The following DAAM1 variants were observed in gnomAD, a reference collection of about 807,000 sequenced individuals.
DAAM1 encodes dishevelled associated activator of morphogenesis 1, also known as disheveled-associated activator of morphogenesis 1.
A neutral mutation model predicts 130.0 loss-of-function variants in DAAM1; 52 were observed. The observed-to-expected ratio is 0.40, with a 90% CI of 0.32 to 0.50. DAAM1 has a LOEUF of 0.50. Ranked by LOEUF, DAAM1 falls within the 20% of genes least tolerant of loss-of-function variation. The pLI, the probability that DAAM1 is intolerant of heterozygous loss-of-function variation, is 0.61. For missense variants in DAAM1, 1,134 were observed against 1,303.8 expected (o/e 0.87, Z 2.01); for synonymous variants, 452 against 444.5 (o/e 1.02, Z -0.21).
At chr14:59,358,236 G>A (rs1299317685) in intron 20 of DAAM1, among the ~76,000 whole-genome samples, 4 of 152,184 alleles carry the variant, frequency 2.6e-5, no homozygotes, top group Admixed American at 2.6e-4. Context: ...TGATTGTAAT[G>A]CGTAGCAGTC....
At chr14:59,346,802 T>A (rs1886098735) in intron 16 of DAAM1, among the ~76,000 whole-genome samples, 1 of 152,226 alleles carries the variant, frequency 6.6e-6, no homozygotes, top group African/African-American at 2.4e-5. Context: ...CACATATTCC[T>A]GATTAAATTA....
At chr14:59,291,512 G>T in intron 3 of DAAM1, 1 of 518,664 alleles carries the variant, frequency 1.9e-6, no homozygotes. Flanking sequence ...TTTTCCACCT[G>T]TAACCATCAT....
At chr14:59,259,691 A>G (rs1164071065) in intron 1 of DAAM1, among the ~76,000 whole-genome samples, 1 of 152,234 alleles carries the variant, frequency 6.6e-6, no homozygotes, top group Non-Finnish European at 1.5e-5. Flanking sequence ...TGAGATAAGT[A>G]ATGACTCCCA....
chr14:59,320,447 A>T (rs958506650), intron 4 of DAAM1, 43 bp from the exon 5 acceptor site: 1 of 1,516,014 alleles, frequency 6.6e-7, no homozygotes, highest in Non-Finnish European at 9.0e-7. Flanking sequence ...ACTGTAATTA[A>T]AAAATAGAAT....
chr14:59,275,388 A>G (rs892206416), intron 2 of DAAM1, among the ~76,000 whole-genome samples: 6 of 152,172 alleles, frequency 3.9e-5, no homozygotes, highest in African/African-American at 9.7e-5. Context: ...CGTGTAATAC[A>G]AGTTTACCTA....
intron 1 of DAAM1, among the ~76,000 whole-genome samples, chr14:59,190,356 G>A (rs552708532): frequency 1.3e-5 from 2 of 152,024 alleles, no homozygotes; most frequent in Admixed American, 6.6e-5. Flanking sequence ...TCCCCCTTTC[G>A]GGCTAGCCGC....
At chr14:59,282,699 C>T (rs777075318) in intron 2 of DAAM1, among the ~76,000 whole-genome samples, 28 of 152,154 alleles carry the variant, frequency 1.8e-4, no homozygotes, top group Admixed American at 3.3e-4. Flanking sequence ...GAGCAAGCTA[C>T]TTAATCCTCT....
intron 9 of DAAM1, 85 bp downstream of exon 9, chr14:59,325,815 C>T: frequency 6.4e-7 from 1 of 1,554,158 alleles, no homozygotes; most frequent in South Asian, 1.1e-5. Flanking sequence ...TCCACATGGA[C>T]TTTAGGGCAA....
chr14:59,291,115 T>C, intron 2 of DAAM1, 102 bp from the exon 3 acceptor site: 1 of 869,078 alleles, frequency 1.2e-6, no homozygotes, highest in Admixed American at 3.2e-5. Context: ...TTTAAATATG[T>C]GTTTGTGTTT....
chr14:59,362,374 T>C (rs1483772223), intron 22 of DAAM1: 1 of 152,170 alleles, frequency 6.6e-6, no homozygotes, highest in Non-Finnish European at 1.5e-5. Context: ...TGGCCAAATA[T>C]ATATGTGTTC....
At chr14:59,320,725 GT>G in intron 5 of DAAM1, 141 bp downstream of exon 5, 1 of 548,964 alleles carries the variant, frequency 1.8e-6, no homozygotes, top group Non-Finnish European at 2.9e-6. Context: ...ATTTAATAAA[GT>G]TATTTTCTTC....
intron 18 of DAAM1, 22 bp downstream of exon 18, chr14:59,352,654 A>G (rs1317033270): frequency 6.3e-7 from 1 of 1,586,922 alleles, no homozygotes. Context: ...AATGCTGGGA[A>G]TGTGAAGATG....
At chr14:59,262,371 C>G (rs992225045) in intron 1 of DAAM1, among the ~76,000 whole-genome samples, 1 of 152,096 alleles carries the variant, frequency 6.6e-6, no homozygotes, top group Non-Finnish European at 1.5e-5. Context: ...GGAAATCTTT[C>G]CAAGGCAATA....
Position 59,348,762 on chromosome 14 carries a change from A to G in DAAM1, c.2160+1139A>G, listed in dbSNP as rs543923742. The stretch of plus-strand genomic sequence containing the variant: ...CTGTCTGTTTGCACGTGTGTTTTCC[A>G]TGGTTCTCACTGATGTCCTCGAAGG... On this transcript the variant is annotated intron_variant, in intron 17 of 24. Coordinates refer to ENST00000360909, the MANE Select transcript of DAAM1 (RefSeq NM_001270520.2). Among the ~76,000 whole-genome samples the G allele has an allele frequency of 7.9e-5, 12 of 152,124 alleles. 1 individual carries two copies. The South Asian group carries it at 2.1e-3, about 26-fold the overall frequency.
At position 59,261,266 on chromosome 14, in the gene DAAM1, A is replaced by G. The variant is rs142122363; in HGVS notation, c.-37-2175A>G. On this transcript the variant is annotated intron_variant, in intron 1 of 24. Transcript: ENST00000360909. ...CACCCCCAGATCCTGCTCAGTTTAC[A>G]TGGCACTTACTGGCATATTACCTTT... Among the ~76,000 whole-genome samples, 872 of 152,262 alleles carry G rather than the reference A, an allele frequency of 5.7e-3. 9 individuals are homozygous for G. The highest frequency in any genetic ancestry group is 6.7e-3 in the Admixed American group (102 of 15,298).
chr14:59,302,997 G>T (rs1884234034), intron 3 of DAAM1, among the ~76,000 whole-genome samples: 1 of 152,164 alleles, frequency 6.6e-6, no homozygotes, highest in Non-Finnish European at 1.5e-5. Context: ...AACAGCTCTG[G>T]TGCAAGTCAA....
rs1192219623 is a variant in DAAM1 at position 59,368,763 on chromosome 14, C to CAAAG, written c.3113_3116dup (p.Asp1039GlufsTer5). 1 of 1,613,990 alleles carries CAAAG rather than the reference C, an allele frequency of 6.2e-7. No individual in the cohort carries two copies. Among genetic ancestry groups the CAAAG allele is most frequent in the South Asian group, 1.1e-5 (1 of 91,072 alleles). On this transcript the variant is annotated frameshift_variant, in exon 25 of 25. Coordinates refer to ENST00000360909, the MANE Select transcript of DAAM1 (RefSeq NM_001270520.2). LOFTEE classifies it high-confidence loss of function. ...CTTTACGCTCAGGAGAAGTGTTTGA[C>CAAAG]AAAGACCTTTCTAAATTGAAACGGA... is the stretch of plus-strand genomic sequence containing the variant.
At chr14:59,317,045 C>CCT (rs1884821306) in intron 4 of DAAM1, among the ~76,000 whole-genome samples, 1 of 152,204 alleles carries the variant, frequency 6.6e-6, no homozygotes, top group Admixed American at 6.5e-5. Context: ...CCTCCTCTCT[C>CCT]CTCCATCCAG....
chr14:59,340,728 C>T (rs1047591735), intron 16 of DAAM1, among the ~76,000 whole-genome samples: 1 of 152,242 alleles, frequency 6.6e-6, no homozygotes, highest in African/African-American at 2.4e-5. Flanking sequence ...TGAACCATCA[C>T]AGCCTTGGAA....
Sources: gnomAD v4.1 joint callset for allele counts (sites outside exome capture counted in the v4.1 genomes callset) on GRCh38, gnomAD v4.1.1 for gene constraint, MANE v1.5 for transcripts, NCBI Gene and HGNC (gene_info 2026-07-23, HGNC 2026-07-21) for gene names.